Variants in TRAF5 observed in about 807,000 individuals in gnomAD.
The protein encoded by TRAF5 is TNF receptor associated factor 5.
In TRAF5, 48 loss-of-function variants were observed where a neutral mutation model predicts 64.5. That is an observed-to-expected ratio of 0.74 (90% CI 0.59 to 0.95). TRAF5 has a LOEUF of 0.95. Among genes scored for constraint, TRAF5 ranks in the 40% least tolerant of loss-of-function variants. The pLI is 0.00. For synonymous variants in TRAF5, 206 were observed against 240.5 expected, an observed-to-expected ratio of 0.86 and a Z score of 1.33; for missense variants, 545 against 662.8, an observed-to-expected ratio of 0.82 and a Z score of 1.95.
intron 1 of TRAF5, among the ~76,000 whole-genome samples, chr1:211,349,035 A>AAG (rs386369532): frequency 1.4e-3 from 4 of 2,784 alleles, no homozygotes; most frequent in African/African-American, 3.9e-3. Flanking sequence ...CTCTGTCTCT[A>AAG]AAAAAAAAAA....
chr1:211,362,980 G>GA (rs559274546), intron 7 of TRAF5, among the ~76,000 whole-genome samples: 458 of 152,070 alleles, frequency 3.0e-3, no homozygotes, highest in Admixed American at 4.7e-3. Context: ...GGCAGTTCCA[G>GA]AAAAAAATTC....
In TRAF5 at chr1:211,333,301, G is replaced by A. The variant is rs541305302; in HGVS notation, c.-2+6412G>A. ...CCTCCCGGGTTCAAGCGATTCTCCT[G>A]CCTCAGCTTCTGGAGTAGCTAGGAT... On this transcript the variant is annotated intron_variant, in intron 1 of 10. Coordinates refer to ENST00000261464, the MANE Select transcript of TRAF5 (RefSeq NM_001033910.3). Among the ~76,000 whole-genome samples the A allele has an allele frequency of 3.4e-5, 5 of 147,172 alleles. No homozygotes were observed. In the East Asian group the frequency reaches 1.0e-3, roughly 30 times the overall value.
Position 211,361,093 on chromosome 1 carries a change from T to G in TRAF5, c.627T>G (p.Asp209Glu), listed in dbSNP as rs1285236915. The G allele has an allele frequency of 1.2e-6, 2 of 1,614,134 alleles. No individual in the cohort carries two copies. The highest frequency in any genetic ancestry group is 1.7e-6 in the Non-Finnish European group (2 of 1,179,980). ...TGTGACTATCCATTTCGTAGGTAGA[T>G]GAACACCTGGCTGTATGTCCTGAAG... ...CAKIILKTEV[D>E]EHLAVCPEAE... Residue 209 changes from aspartate (D) to glutamate (E), a missense_variant, in exon 7 of 11, where the codon GAT (aspartate) becomes GAG (glutamate). Coordinates refer to ENST00000261464, the MANE Select transcript of TRAF5 (RefSeq NM_001033910.3).
intron 1 of TRAF5, among the ~76,000 whole-genome samples, chr1:211,350,890 C>T (rs917170952): frequency 3.9e-5 from 6 of 152,106 alleles, no homozygotes; most frequent in African/African-American, 1.4e-4. Context: ...TCTCTGGCCT[C>T]TTTAGAGAGG....
At chr1:211,368,389 A>G (rs1572093285) in intron 8 of TRAF5, among the ~76,000 whole-genome samples, 1 of 152,178 alleles carries the variant, frequency 6.6e-6, no homozygotes, top group Non-Finnish European at 1.5e-5. Context: ...TCATTCATTT[A>G]ACAAATATTT....
chr1:211,356,284 C>G, intron 3 of TRAF5, 83 bp from the exon 4 acceptor site: 1 of 1,183,566 alleles, frequency 8.4e-7, no homozygotes, highest in Admixed American at 1.9e-5. Flanking sequence ...CTGAGATACA[C>G]TCGAAGACCA....
intron 1 of TRAF5, among the ~76,000 whole-genome samples, chr1:211,345,452 GA>G (rs1450574313): frequency 3.3e-5 from 5 of 151,994 alleles, no homozygotes; most frequent in African/African-American, 1.2e-4. Context: ...ATGACCTTGA[GA>G]GAGAACTGCC....
rs148579195 is a variant in TRAF5, at chr1:211,353,297, G to A, written c.58G>A (p.Gly20Ser). The A allele has an allele frequency of 2.4e-4, 390 of 1,614,170 alleles. No homozygotes were observed. The African/African-American group carries it at 3.1e-3, about 13-fold the overall frequency. Residue 20 changes from glycine (G) to serine (S), a missense_variant, in exon 2 of 11, where the codon GGC (glycine) becomes AGC (serine). By Grantham distance (56) the Gly-to-Ser change is moderately conservative (BLOSUM62 0). Transcript: ENST00000261464. The part of the protein sequence containing the change: ...MPCGFIRQNS[G>S]NSISLDFEPS... The stretch of plus-strand genomic sequence containing the variant: ...CTGTGGTTTCATCCGCCAGAATTCC[G>A]GCAACTCCATTTCCTTGGACTTTGA...
At position 211,354,465 on chromosome 1, in the gene TRAF5, GAGGTAAGAAA is replaced by G; in HGVS notation, c.275_276+8del. On this transcript the variant is annotated splice_donor_variant and splice_donor_5th_base_variant and coding_sequence_variant and intron_variant, in exon 3 of 11. Coordinates refer to ENST00000261464, the MANE Select transcript of TRAF5 (RefSeq NM_001033910.3). LOFTEE classifies it high-confidence loss of function. Reference sequence around the variant, plus strand: ...AGATAAAGAGGTCATCAAATCTCAGGAGGTAAGAAAGTCACTGCTTTTGTCTAGCAGCTCT... The same window carrying G: ...AGATAAAGAGGTCATCAAATCTCAGGGTCACTGCTTTTGTCTAGCAGCTCT... The G allele has an allele frequency of 6.2e-7, 1 of 1,614,118 alleles. No homozygotes were observed. The highest frequency in any genetic ancestry group is 8.5e-7 in the Non-Finnish European group (1 of 1,179,996).
intron 1 of TRAF5, among the ~76,000 whole-genome samples, chr1:211,348,632 T>C (rs574895030): frequency 1.3e-5 from 2 of 152,224 alleles, no homozygotes; most frequent in East Asian, 3.9e-4. Flanking sequence ...ATGTCTGTGA[T>C]CCATTCTGAG....
intron 3 of TRAF5, 127 bp downstream of exon 3, chr1:211,354,594 C>A: frequency 4.3e-6 from 4 of 937,446 alleles, no homozygotes; most frequent in Non-Finnish European, 6.5e-6. Flanking sequence ...TATTCTTCTG[C>A]TGTGGGGTCA....
intron 8 of TRAF5, among the ~76,000 whole-genome samples, chr1:211,367,465 A>G (rs1572092338): frequency 6.6e-6 from 1 of 152,214 alleles, no homozygotes; most frequent in East Asian, 1.9e-4. Context: ...CTAGTAGTAC[A>G]ATGCCTAACA....
rs950993205 is a variant in TRAF5, at chr1:211,372,765, A to G, written c.*63A>G. The G allele has an allele frequency of 4.3e-5, 60 of 1,400,052 alleles. No individual in the cohort carries two copies. The highest frequency in any genetic ancestry group is 5.6e-5 in the Non-Finnish European group (56 of 1,008,092). The allele number at this position is 1,400,052 out of a possible 1,614,324, so 86.7% of individuals were successfully genotyped here. A position where few individuals can be genotyped will look rare whatever the true frequency, so the allele number is the denominator to read the frequency against. On this transcript the variant is annotated 3_prime_UTR_variant, in exon 11 of 11. Transcript: ENST00000261464. ...AGAACTGTGGAGGAGAGCACATTTG[A>G]TTATCATATTGACCTGGATTTAGAC... is the stretch of plus-strand genomic sequence containing the variant.
intron 1 of TRAF5, among the ~76,000 whole-genome samples, chr1:211,345,361 TC>T (rs796132163): frequency 9.4e-4 from 138 of 147,584 alleles, no homozygotes; most frequent in Middle Eastern, 3.5e-3. Flanking sequence ...AGCCCTGCGC[TC>T]CCCCCCCCTC....
At chr1:211,334,878 C>T (rs1323633041) in intron 1 of TRAF5, among the ~76,000 whole-genome samples, 1 of 152,136 alleles carries the variant, frequency 6.6e-6, no homozygotes, top group Non-Finnish European at 1.5e-5. Context: ...TCTCATCTGT[C>T]CTGTCCTCCC....
At chr1:211,365,179 A>C (rs1053203675) in intron 7 of TRAF5, among the ~76,000 whole-genome samples, 197 bp from the exon 8 acceptor site, 5 of 152,030 alleles carry the variant, frequency 3.3e-5, no homozygotes, top group Non-Finnish European at 5.9e-5. Context: ...CAAAAAAAAA[A>C]CAAACAAAAA....
At position 211,339,275 on chromosome 1, in the gene TRAF5, A is replaced by G. The variant is rs1702383366; in HGVS notation, c.-2+12386A>G. Among the ~76,000 whole-genome samples, 3 of 152,194 alleles carry G rather than the reference A, an allele frequency of 2.0e-5. 1 individual carries two copies. Among genetic ancestry groups the G allele is most frequent in the African/African-American group, 2.4e-5 (1 of 41,450 alleles). On this transcript the variant is annotated intron_variant, in intron 1 of 10. Coordinates refer to ENST00000261464, the MANE Select transcript of TRAF5 (RefSeq NM_001033910.3). ...AGTGCAGGCTGGAAATTACTAGTAC[A>G]TGTCAGGTTTTAGTTTTATTGGTAT...
At chr1:211,355,939 C>A (rs542318091) in intron 3 of TRAF5, among the ~76,000 whole-genome samples, 9 of 152,286 alleles carry the variant, frequency 5.9e-5, no homozygotes, top group Admixed American at 5.2e-4. Context: ...GACTATCTGA[C>A]CCCTTACAGA....
intron 9 of TRAF5, among the ~76,000 whole-genome samples, chr1:211,370,390 C>G (rs972398999): frequency 1.3e-5 from 2 of 151,572 alleles, no homozygotes. Context: ...CACACACACA[C>G]ACACACACAC....
Sources: gnomAD v4.1 joint callset for allele counts (sites outside exome capture counted in the v4.1 genomes callset) on GRCh38, gnomAD v4.1.1 for gene constraint, MANE v1.5 for transcripts, NCBI Gene and HGNC (gene_info 2026-07-23, HGNC 2026-07-21) for gene names.